Variants in CRPPA observed in about 807,000 individuals in gnomAD.
CRPPA encodes the protein CDP-L-ribitol pyrophosphorylase A.
CRPPA carries 43 observed loss-of-function variants against 52.0 expected under a neutral mutation model. That is an observed-to-expected ratio of 0.83 (90% CI 0.65 to 1.07). The LOEUF is 1.07. Among genes scored for constraint, CRPPA ranks in the 50% least tolerant of loss-of-function variants. CRPPA has a pLI of 0.00. For synonymous variants in CRPPA, 250 were observed against 203.5 expected (o/e 1.23, Z -1.94); for missense variants, 629 against 551.7 (o/e 1.14, Z -1.40).
chr7:16,131,610 T>C (rs1269460309), intron 9 of CRPPA, among the ~76,000 whole-genome samples: 1 of 151,986 alleles, frequency 6.6e-6, no homozygotes, highest in Non-Finnish European at 1.5e-5. Flanking sequence ...TTGAACAGGG[T>C]CTCACTTTAT....
intron 9 of CRPPA, among the ~76,000 whole-genome samples, chr7:16,134,578 A>C (rs1189789518): frequency 6.6e-6 from 1 of 152,226 alleles, no homozygotes; most frequent in Non-Finnish European, 1.5e-5. Flanking sequence ...AAAGTTTTAC[A>C]TACATTTGAC....
At chr7:16,333,194 G>C (rs1404077911) in intron 3 of CRPPA, among the ~76,000 whole-genome samples, 1 of 152,016 alleles carries the variant, frequency 6.6e-6, no homozygotes, top group East Asian at 1.9e-4. Context: ...ATCAGAAATG[G>C]ACATACTCAA....
chr7:16,302,337 A>G (rs1388961597), intron 4 of CRPPA, among the ~76,000 whole-genome samples: 1 of 150,278 alleles, frequency 6.7e-6, no homozygotes, highest in Non-Finnish European at 1.5e-5. Flanking sequence ...CCTCCTCATA[A>G]TTGTAATCTG....
At chr7:16,378,314 T>C (rs140062073) in intron 2 of CRPPA, among the ~76,000 whole-genome samples, 41,894 of 131,680 alleles carry the variant, frequency 0.32, 6,601 homozygotes, top group South Asian at 0.45. Context: ...CCTGTGTCCA[T>C]GTGTTCCCAT....
intron 3 of CRPPA, among the ~76,000 whole-genome samples, chr7:16,373,999 G>A (rs1262886705): frequency 6.6e-6 from 1 of 152,116 alleles, no homozygotes; most frequent in Non-Finnish European, 1.5e-5. Context: ...TGACACCTTG[G>A]TTACAATTGC....
chr7:16,216,868 G>T (rs1348460903), intron 8 of CRPPA, among the ~76,000 whole-genome samples: 1 of 152,126 alleles, frequency 6.6e-6, no homozygotes, highest in Non-Finnish European at 1.5e-5. Context: ...CGGGGGAGGG[G>T]CGCCCGCCAT....
chr7:16,195,404 G>C (rs1385141291), intron 9 of CRPPA, among the ~76,000 whole-genome samples: 1 of 152,058 alleles, frequency 6.6e-6, no homozygotes, highest in Non-Finnish European at 1.5e-5. Context: ...CACCACTGTA[G>C]CTGATTGAGG....
chr7:16,239,003 G>C (rs1457418923), intron 8 of CRPPA, among the ~76,000 whole-genome samples: 1 of 151,880 alleles, frequency 6.6e-6, no homozygotes, highest in Admixed American at 6.6e-5. Flanking sequence ...GCCAGGTGTG[G>C]TGGCAGGTGA....
At chr7:16,254,730 A>C (rs1057305180) in intron 8 of CRPPA, among the ~76,000 whole-genome samples, 2 of 146,034 alleles carry the variant, frequency 1.4e-5, no homozygotes, top group Non-Finnish European at 3.0e-5. Flanking sequence ...TAGATCTTAA[A>C]GTATAAGAAA....
chr7:16,253,068 T>C (rs1376047472), intron 8 of CRPPA, among the ~76,000 whole-genome samples: 2 of 152,306 alleles, frequency 1.3e-5, no homozygotes, highest in East Asian at 1.9e-4. Flanking sequence ...CCTGGATTCA[T>C]TGATTTTTTG....
intron 9 of CRPPA, among the ~76,000 whole-genome samples, chr7:16,166,382 C>T (rs953325943): frequency 4.6e-5 from 7 of 152,066 alleles, no homozygotes; most frequent in African/African-American, 1.4e-4. Context: ...CAGGTTCCAG[C>T]GATTCTCCTG....
rs943227042 is a variant in CRPPA, at chr7:16,091,409, G to C, written c.*286C>G. 1 of 243,730 alleles carries C rather than the reference G, an allele frequency of 4.1e-6. No individual in the cohort carries two copies. Among genetic ancestry groups the C allele is most frequent in the African/African-American group, 2.3e-5 (1 of 43,106 alleles). The allele number at this position is 243,730 out of a possible 1,614,324, so 15.1% of individuals were successfully genotyped here. A position where few individuals can be genotyped will look rare whatever the true frequency, so the allele number is the denominator to read the frequency against. On this transcript the variant is annotated 3_prime_UTR_variant, in exon 10 of 10. Transcript: ENST00000407010. ...GCTCACCCCATCATTATTTCTATTT[G>C]ACCGTTCATGTCTCTGTGGAAAGAT...
chr7:16,375,191 C>G (rs1000767129), intron 3 of CRPPA, among the ~76,000 whole-genome samples: 1 of 152,146 alleles, frequency 6.6e-6, no homozygotes, highest in Non-Finnish European at 1.5e-5. Context: ...TCAGAAAGTA[C>G]TTTCTGCATT....
chr7:16,102,025 C>T (rs948987213), intron 9 of CRPPA, among the ~76,000 whole-genome samples: 1 of 152,084 alleles, frequency 6.6e-6, no homozygotes, highest in African/African-American at 2.4e-5. Flanking sequence ...AAGAACAAAG[C>T]TGGAGGCATC....
chr7:16,369,847 A>G (rs1054442747), intron 3 of CRPPA, among the ~76,000 whole-genome samples: 1 of 152,208 alleles, frequency 6.6e-6, no homozygotes, highest in Non-Finnish European at 1.5e-5. Context: ...AAGAAGTGGC[A>G]GGCTGCAGCC....
intron 5 of CRPPA, among the ~76,000 whole-genome samples, chr7:16,284,304 A>G (rs1784378987): frequency 6.6e-6 from 1 of 152,104 alleles, no homozygotes; most frequent in African/African-American, 2.4e-5. Flanking sequence ...TTTTAAAAAT[A>G]GACATATATA....
intron 3 of CRPPA, among the ~76,000 whole-genome samples, chr7:16,324,453 A>G (rs1785333223): frequency 6.6e-6 from 1 of 152,220 alleles, no homozygotes; most frequent in African/African-American, 2.4e-5. Context: ...CATTCTGTCG[A>G]TTCTAACATG....
chr7:16,420,149 C>CAAGCAATGTTT (rs1788291402), intron 1 of CRPPA, among the ~76,000 whole-genome samples: 1 of 152,146 alleles, frequency 6.6e-6, no homozygotes, highest in Admixed American at 6.5e-5. Flanking sequence ...TTTTCAAAAC[C>CAAGCAATGTTT]TCCTGCAAAG....
chr7:16,165,630 T>C (rs1009499521), intron 9 of CRPPA, among the ~76,000 whole-genome samples: 1 of 152,234 alleles, frequency 6.6e-6, no homozygotes, highest in African/African-American at 2.4e-5. Context: ...GGAACCCACA[T>C]GCAAATGCAA....
Sources: allele counts gnomAD v4.1 joint callset (sites outside exome capture counted in the v4.1 genomes callset), GRCh38; gene constraint gnomAD v4.1.1; transcripts MANE v1.5; gene names NCBI Gene and HGNC (gene_info 2026-07-23, HGNC 2026-07-21).